The following THPO variants were observed in gnomAD, a reference collection of about 807,000 sequenced individuals.
The protein encoded by THPO is thrombopoietin.
In THPO, 12 loss-of-function variants were observed where a neutral mutation model predicts 17.0. The ratio of observed to expected loss-of-function variants is 0.71; its 90% CI spans 0.45 to 1.14. The LOEUF is 1.14. THPO is among the 50% of genes most tolerant of loss of function. The probability of loss-of-function intolerance (pLI) is 0.00; values close to 1 mark genes in which losing one functional copy is unlikely to be tolerated. For missense variants in THPO, 365 were observed against 427.5 expected (o/e 0.85, Z 1.29); for synonymous variants, 188 against 183.0 (o/e 1.03, Z -0.22).
chr3:184,372,803 G>T lies in THPO; in HGVS notation c.772C>A (p.Arg258Ser). 1 of 1,614,160 alleles carries T rather than the reference G, an allele frequency of 6.2e-7. No individual in the cohort carries two copies. The highest frequency in any genetic ancestry group is 8.5e-7 in the Non-Finnish European group (1 of 1,180,024). ...CGTGAGGGTCCAGGAAAGAGTCCAC[G>T]AGTTCCATTCAAGAGTTCGTGTATC... ...NRIHELLNGT[R>S]GLFPGPSRRT... Residue 258 changes from arginine to serine, a missense_variant, in exon 6 of 6, where the codon CGT becomes AGT. Coordinates refer to ENST00000647395, the MANE Select transcript of THPO (RefSeq NM_000460.4).
At chr3:184,378,701 A>G (rs779809872), upstream of THPO, 42 of 702,882 alleles carry the variant, frequency 6.0e-5, no homozygotes, top group Admixed American at 1.3e-4. Flanking sequence ...GGTTGAGTGG[A>G]CTGTCAGGTG....
At position 184,372,307 on chromosome 3, in the gene THPO, A is replaced by T; in HGVS notation, c.*206T>A. ...CAAAGAGCTAGCTGCTCTGATGAGT[A>T]TTGCTGATAGCTTAAAAAAATAGCT... is the stretch of plus-strand genomic sequence containing the variant. On this transcript the variant is annotated 3_prime_UTR_variant, in exon 6 of 6. Coordinates refer to ENST00000647395, the MANE Select transcript of THPO (RefSeq NM_000460.4). 1 of 626,848 alleles carries T rather than the reference A, an allele frequency of 1.6e-6. No individual in the cohort carries two copies. Among genetic ancestry groups the T allele is most frequent in the Non-Finnish European group, 2.8e-6 (1 of 358,290 alleles). 38.8% of individuals were successfully genotyped at this position (626,848 alleles called of 1,614,324 possible). A position where few individuals can be genotyped will look rare whatever the true frequency, so the allele number is the denominator to read the frequency against.
intron 3 of THPO, 34 bp downstream of exon 3, chr3:184,375,854 C>T (rs765685181): frequency 7.4e-6 from 12 of 1,611,896 alleles, no homozygotes; most frequent in Admixed American, 3.3e-5. Flanking sequence ...TTACCAGTTA[C>T]GCGGATAAAG....
rs79355135 is a variant in THPO, at chr3:184,377,518, C to T, written c.-146+557G>A. Among the ~76,000 whole-genome samples, 1,285 of 152,280 alleles carry T rather than the reference C, an allele frequency of 8.4e-3. 18 individuals carry two copies. Among genetic ancestry groups the T allele is most frequent in the African/African-American group, 0.029 (1,216 of 41,554 alleles). On this transcript the variant is annotated intron_variant, in intron 1 of 5. Coordinates refer to ENST00000647395, the MANE Select transcript of THPO (RefSeq NM_000460.4). Reference sequence around the variant, plus strand: ...CCTCCCTGCCCCCTTGGCAGAACCCCTTCCGGTTCCTTCACAGGACCCCCC... The same window carrying T: ...CCTCCCTGCCCCCTTGGCAGAACCCTTTCCGGTTCCTTCACAGGACCCCCC...
Position 184,376,011 on chromosome 3 carries a change from C to A in THPO, c.18G>T (p.Leu6Phe). 1.2e-6 allele frequency: 2 copies of A among 1,613,834 alleles called. No individual in the cohort carries two copies. Among genetic ancestry groups the A allele is most frequent in the Non-Finnish European group, 1.7e-6 (2 of 1,179,956 alleles). Residue 6 changes from leucine to phenylalanine, a missense_variant, in exon 3 of 6, where the codon TTG becomes TTT. Transcript: ENST00000647395. MELTE[L>F]LLVVMLLLTA... ...TTAGGAGAAGCATGACCACGAGGAG[C>A]AATTCTTAGATGAGGAGAGGTGAGG... is the stretch of plus-strand genomic sequence containing the variant.
upstream of THPO, chr3:184,378,292 C>CTG (rs1282307507): frequency 3.0e-6 from 3 of 985,448 alleles, no homozygotes; most frequent in African/African-American, 5.2e-5. Context: ...CTGCCTGGAC[C>CTG]AGGGTCCACT....
Position 184,372,877 on chromosome 3 carries a change from A to G in THPO, c.698T>C (p.Leu233Pro). 2 of 1,614,150 alleles carry G rather than the reference A, an allele frequency of 1.2e-6. No homozygotes were observed. Among genetic ancestry groups the G allele is most frequent in the Non-Finnish European group, 1.7e-6 (2 of 1,180,000 alleles). ...GTCCAGGGACCTGGAGGTTTGGTTC[A>G]GCAGACCAGGAATCTTGGCTCTGAA... ...QGFRAKIPGL[L>P]NQTSRSLDQI... The change falls in exon 6 of 6, where the codon CTG (leucine) becomes CCG (proline). Residue 233 changes from leucine to proline, a missense_variant. Coordinates refer to ENST00000647395, the MANE Select transcript of THPO (RefSeq NM_000460.4).
chr3:184,373,334 G>C, intron 5 of THPO, 81 bp downstream of exon 5: 1 of 1,587,754 alleles, frequency 6.3e-7, no homozygotes, highest in East Asian at 2.2e-5. Flanking sequence ...CTCCCTGGAA[G>C]AGCCCTTCTT....
In THPO at chr3:184,373,012, A is replaced by G; in HGVS notation, c.563T>C (p.Leu188Pro). 1.2e-6 allele frequency: 2 copies of G among 1,614,116 alleles called. No individual in the cohort carries two copies. Among genetic ancestry groups the G allele is most frequent in the Non-Finnish European group, 1.7e-6 (2 of 1,180,030 alleles). Reference protein sequence around the residue: ...PTTAVPSRTSLVLTLNELPNR... With the variant: ...PTTAVPSRTSPVLTLNELPNR... ...TGGGAGCTCGTTCAGTGTGAGGACT[A>G]GAGAGGTTCTGCTGGGGACAGCTGT... Residue 188 changes from leucine to proline, a missense_variant, in exon 6 of 6, where the codon CTA (leucine) becomes CCA (proline). Transcript: ENST00000647395.
chr3:184,376,056 TC>T, intron 2 of THPO, 41 bp from the exon 3 acceptor site: 2 of 1,607,984 alleles, frequency 1.2e-6, no homozygotes, highest in South Asian at 2.2e-5. Context: ...GAGGAGGAAA[TC>T]ATTGTCAGCT....
Position 184,372,666 on chromosome 3 carries a change from C to T in THPO, c.909G>A (p.Gln303=). The change falls in exon 6 of 6, where the codon CAG becomes CAA. Residue 303 remains glutamine, a synonymous_variant. Transcript: ENST00000647395. ...SPSPTHPPTG[Q]YTLFPLPPTL... ...TGGGTGGAAGAGGGAAGAGCGTATACTGTCCAGTAGGAGGATGGGTTGGGG... is the reference window on the plus strand; with the variant it reads ...TGGGTGGAAGAGGGAAGAGCGTATATTGTCCAGTAGGAGGATGGGTTGGGG... The T allele has an allele frequency of 6.2e-7, 1 of 1,612,952 alleles. No homozygotes were observed. Among genetic ancestry groups the T allele is most frequent in the Non-Finnish European group, 8.5e-7 (1 of 1,179,232 alleles).
In THPO at chr3:184,373,052, GC is replaced by G. The variant is rs768117648; in HGVS notation, c.522del (p.Arg174SerfsTer15). The G allele has an allele frequency of 6.2e-7, 1 of 1,613,962 alleles. No individual in the cohort carries two copies. Among genetic ancestry groups the G allele is most frequent in the African/African-American group, 1.3e-5 (1 of 75,036 alleles). ...MLVGGSTLCV[R>X]RAPPTTAVPS... ...GGGACAGCTGTGGTGGGTGGGGCCC[GC>G]CTGACGCAGAGGGTGGACCCTCCTA... On this transcript the variant is annotated frameshift_variant, in exon 6 of 6. Transcript: ENST00000647395. LOFTEE classifies it low-confidence loss of function (END_TRUNC).
upstream of THPO, chr3:184,378,378 C>A: frequency 3.0e-6 from 3 of 985,566 alleles, no homozygotes; most frequent in Non-Finnish European, 3.6e-6. Context: ...AACCTGGGAC[C>A]TGGAGGGGGA....
Position 184,372,667 on chromosome 3 carries a change from T to C in THPO, c.908A>G (p.Gln303Arg), listed in dbSNP as rs776223088. 3 of 1,612,832 alleles carry C rather than the reference T, an allele frequency of 1.9e-6. No individual in the cohort carries two copies. In the South Asian group the frequency reaches 3.3e-5, roughly 18 times the overall value. The change falls in exon 6 of 6, where the codon CAG becomes CGG. Residue 303 changes from glutamine (Q) to arginine (R), a missense_variant. Coordinates refer to ENST00000647395, the MANE Select transcript of THPO (RefSeq NM_000460.4). Reference protein sequence around the residue: ...SPSPTHPPTGQYTLFPLPPTL... With the variant: ...SPSPTHPPTGRYTLFPLPPTL... ...GGGTGGAAGAGGGAAGAGCGTATACTGTCCAGTAGGAGGATGGGTTGGGGA... is the reference window on the plus strand; with the variant it reads ...GGGTGGAAGAGGGAAGAGCGTATACCGTCCAGTAGGAGGATGGGTTGGGGA...
At chr3:184,376,459 T>C in intron 1 of THPO, 55 bp from the exon 2 acceptor site, 2 of 1,459,050 alleles carry the variant, frequency 1.4e-6, no homozygotes. Flanking sequence ...AGAGACTGCC[T>C]GGCAGGGTGA....
At chr3:184,373,711 C>G in intron 4 of THPO, 129 bp from the exon 5 acceptor site, 1 of 1,086,448 alleles carries the variant, frequency 9.2e-7, no homozygotes, top group Non-Finnish European at 1.4e-6. Flanking sequence ...AGGTCCCACC[C>G]AGGGCAGGAA....
Position 184,372,830 on chromosome 3 carries a change from T to C in THPO, c.745A>G (p.Arg249Gly), listed in dbSNP as rs1028451174. 2.0e-5 allele frequency: 32 copies of C among 1,614,146 alleles called. No individual in the cohort carries two copies. Among genetic ancestry groups the C allele is most frequent in the Non-Finnish European group, 2.5e-5 (30 of 1,180,016 alleles). Reference sequence around the variant, plus strand: ...GTTCCATTCAAGAGTTCGTGTATCCTGTTCAGGTATCCGGGGATTTGGTCC... The same window carrying C: ...GTTCCATTCAAGAGTTCGTGTATCCCGTTCAGGTATCCGGGGATTTGGTCC... Reference protein sequence around the residue: ...SLDQIPGYLNRIHELLNGTRG... With the variant: ...SLDQIPGYLNGIHELLNGTRG... The change falls in exon 6 of 6, where the codon AGG becomes GGG. Residue 249 changes from arginine to glycine, a missense_variant. By Grantham distance (125) the Arg-to-Gly change is moderately radical (BLOSUM62 -2). Transcript: ENST00000647395.
intron 1 of THPO, 88 bp downstream of exon 1, chr3:184,377,987 T>C (rs1055885082): frequency 2.1e-6 from 2 of 937,138 alleles, no homozygotes; most frequent in Admixed American, 6.2e-5. Context: ...TAGGTTCCAG[T>C]TTGCCTGCCC....
rs755860584 is a variant in THPO at position 184,375,976 on chromosome 3, A to G, written c.53T>C (p.Leu18Pro). ...LVVMLLLTAR[L>P]TLSSPAPPAC... ...AGGAGGAGCCGGGCTGGACAGCGTT[A>G]GCCTTGCAGTTAGGAGAAGCATGAC... is the stretch of plus-strand genomic sequence containing the variant. The change falls in exon 3 of 6, where the codon CTA becomes CCA. Residue 18 changes from leucine (L) to proline (P), a missense_variant. Coordinates refer to ENST00000647395, the MANE Select transcript of THPO (RefSeq NM_000460.4). 6.2e-7 allele frequency: 1 copy of G among 1,614,018 alleles called. No individual in the cohort carries two copies. The highest frequency in any genetic ancestry group is 8.5e-7 in the Non-Finnish European group (1 of 1,179,970).
Sources: allele counts gnomAD v4.1 joint callset (sites outside exome capture counted in the v4.1 genomes callset), GRCh38; gene constraint gnomAD v4.1.1; transcripts MANE v1.5; gene names NCBI Gene and HGNC (gene_info 2026-07-23, HGNC 2026-07-21).